The following USP48 variants were observed in gnomAD, a reference collection of about 807,000 sequenced individuals.
The protein encoded by USP48 is ubiquitin carboxyl-terminal hydrolase 48.
USP48 carries 43 observed loss-of-function variants against 150.7 expected under a neutral mutation model. The observed-to-expected ratio is 0.29, with a 90% CI of 0.22 to 0.37. The LOEUF (loss-of-function observed/expected upper bound fraction) is 0.37. Ranked by LOEUF, USP48 falls within the 10% of genes least tolerant of loss-of-function variation. The probability of loss-of-function intolerance (pLI) is 1.00; values close to 1 mark genes in which losing one functional copy is unlikely to be tolerated. For missense variants in USP48, 813 were observed against 1,249.6 expected, an observed-to-expected ratio of 0.65 and a Z score of 5.27; for synonymous variants, 396 against 425.9, an observed-to-expected ratio of 0.93 and a Z score of 0.86.
At chr1:21,745,165 C>T (rs1031347497) in intron 8 of USP48, among the ~76,000 whole-genome samples, 2 of 152,108 alleles carry the variant, frequency 1.3e-5, no homozygotes, top group African/African-American at 2.4e-5. Flanking sequence ...TGTTTTTAGT[C>T]TTCTACCTAT....
chr1:21,737,477 T>C (rs2097771246), intron 8 of USP48, among the ~76,000 whole-genome samples: 1 of 152,164 alleles, frequency 6.6e-6, no homozygotes, highest in Admixed American at 6.6e-5. Context: ...AGAAAAGGCT[T>C]TATACATACA....
intron 1 of USP48, among the ~76,000 whole-genome samples, chr1:21,778,702 AAGG>A (rs2097906536): frequency 6.6e-6 from 1 of 151,762 alleles, no homozygotes; most frequent in African/African-American, 2.4e-5. Flanking sequence ...CACTTGAAGC[AAGG>A]AGTTCAAGAC....
intron 1 of USP48, among the ~76,000 whole-genome samples, chr1:21,774,595 G>A (rs1557620761): frequency 6.6e-6 from 1 of 151,664 alleles, no homozygotes; most frequent in African/African-American, 2.4e-5. Context: ...GCTGAGGCAG[G>A]AGAATTGCTT....
rs72877932 is a variant in USP48, at chr1:21,703,868, C to G, written c.2516-250G>C. 2.5e-3 allele frequency among the ~76,000 whole-genome samples: 376 copies of G among 152,206 alleles called. 1 individual carries two copies. The highest frequency in any genetic ancestry group is 8.5e-3 in the African/African-American group (353 of 41,538). On this transcript the variant is annotated intron_variant, in intron 20 of 26. Coordinates refer to ENST00000308271, the MANE Select transcript of USP48 (RefSeq NM_032236.8). ...TGACTCAGCCTCTCAGCGAGTAGCTCAAGACTACAGATATGTGCTACATTT... is the reference window on the plus strand; with the variant it reads ...TGACTCAGCCTCTCAGCGAGTAGCTGAAGACTACAGATATGTGCTACATTT...
intron 24 of USP48, among the ~76,000 whole-genome samples, 194 bp downstream of exon 24, chr1:21,689,780 G>A (rs1227247646): frequency 2.0e-5 from 3 of 152,164 alleles, no homozygotes; most frequent in African/African-American, 7.2e-5. Flanking sequence ...CAAGATAGAT[G>A]ATGTCCTGAC....
chr1:21,697,492 T>A (rs1009501523), intron 22 of USP48, among the ~76,000 whole-genome samples: 14 of 151,856 alleles, frequency 9.2e-5, no homozygotes, highest in Admixed American at 8.5e-4. Flanking sequence ...TGAAACCCCG[T>A]CTCTACTAAA....
intron 9 of USP48, among the ~76,000 whole-genome samples, chr1:21,734,817 A>C (rs1221631296): frequency 6.6e-6 from 1 of 152,236 alleles, no homozygotes; most frequent in African/African-American, 2.4e-5. Context: ...GAAAGTGATA[A>C]ACAGCTCAGG....
At chr1:21,681,118 G>T in intron 25 of USP48, 1 of 264,984 alleles carries the variant, frequency 3.8e-6, no homozygotes, top group Admixed American at 5.7e-5. Context: ...GGCCTGGGAG[G>T]AAGCCATGTA....
chr1:21,704,150 G>T, intron 20 of USP48, 112 bp downstream of exon 20: 2 of 1,222,890 alleles, frequency 1.6e-6, no homozygotes, highest in Non-Finnish European at 2.3e-6. Flanking sequence ...TCCACCTAGG[G>T]AGTTGGGACC....
At chr1:21,758,621 G>C (rs192164819) in intron 1 of USP48, among the ~76,000 whole-genome samples, 1 of 151,710 alleles carries the variant, frequency 6.6e-6, no homozygotes, top group Non-Finnish European at 1.5e-5. Context: ...GTGGCGGTGC[G>C]GGCCTGTAAT....
At chr1:21,740,129 T>C (rs2097778126) in intron 8 of USP48, among the ~76,000 whole-genome samples, 1 of 152,218 alleles carries the variant, frequency 6.6e-6, no homozygotes, top group Admixed American at 6.5e-5. Flanking sequence ...CAGGCTGGTC[T>C]TGAACTCCCA....
intron 22 of USP48, 129 bp downstream of exon 22, chr1:21,701,369 A>G (rs2097656143): frequency 1.7e-6 from 1 of 604,782 alleles, no homozygotes; most frequent in African/African-American, 1.9e-5. Flanking sequence ...CCATCTCAAA[A>G]AAAAAAAAAA....
chr1:21,704,539 AAT>A (rs1245156144), intron 19 of USP48, 147 bp from the exon 20 acceptor site: 11 of 894,300 alleles, frequency 1.2e-5, no homozygotes, highest in Non-Finnish European at 1.7e-5. Context: ...ATCAACAAAG[AAT>A]AGTTTTTCAT....
At chr1:21,743,921 C>A (rs1463527395) in intron 8 of USP48, among the ~76,000 whole-genome samples, 1 of 151,842 alleles carries the variant, frequency 6.6e-6, no homozygotes, top group South Asian at 2.1e-4. Context: ...AAGGGCTGAG[C>A]GAGGGTGGAA....
chr1:21,751,719 A>G, intron 5 of USP48, 104 bp from the exon 6 acceptor site: 1 of 857,036 alleles, frequency 1.2e-6, no homozygotes, highest in Non-Finnish European at 1.8e-6. Context: ...TATAACTTTC[A>G]TTAGTTCTCC....
chr1:21,760,842 C>G (rs537627292), intron 1 of USP48, among the ~76,000 whole-genome samples: 1 of 152,282 alleles, frequency 6.6e-6, no homozygotes, highest in South Asian at 2.1e-4. Context: ...CGCCTGTAAT[C>G]CCAGCACTTT....
Position 21,706,158 on chromosome 1 carries a change from C to A in USP48, c.2241G>T (p.Gln747His). The change falls in exon 18 of 27, where the codon CAG becomes CAT. Residue 747 changes from glutamine to histidine, a missense_variant. Transcript: ENST00000308271. ...ATTTCCGCCACTCTTCTACAAAGAA[C>A]TGAGACACGATGTAGAGGACATCCG... ...EDTDVLYIVS[Q>H]FFVEEWRKFV... The A allele has an allele frequency of 6.2e-7, 1 of 1,613,890 alleles. No individual in the cohort carries two copies. Among genetic ancestry groups the A allele is most frequent in the Non-Finnish European group, 8.5e-7 (1 of 1,179,932 alleles).
chr1:21,689,073 G>A (rs1398039619), intron 24 of USP48, among the ~76,000 whole-genome samples: 3 of 151,768 alleles, frequency 2.0e-5, no homozygotes, highest in East Asian at 1.9e-4. Flanking sequence ...CTGCTGAACC[G>A]GAAGTTAGGG....
At chr1:21,723,281 G>A (rs753422121) in intron 12 of USP48, among the ~76,000 whole-genome samples, 1 of 152,048 alleles carries the variant, frequency 6.6e-6, no homozygotes, top group African/African-American at 2.4e-5. Context: ...CACTTTGGGA[G>A]GGCGAGGTTG....
Sources: gnomAD v4.1 joint callset for allele counts (sites outside exome capture counted in the v4.1 genomes callset) on GRCh38, gnomAD v4.1.1 for gene constraint, MANE v1.5 for transcripts, NCBI Gene and HGNC (gene_info 2026-07-23, HGNC 2026-07-21) for gene names.